Variants in SIM1 observed in about 807,000 individuals in gnomAD.
SIM1 encodes the protein single-minded homolog 1.
Under a neutral mutation model 78.2 loss-of-function variants are expected in SIM1, and 18 were observed. The ratio of observed to expected loss-of-function variants is 0.23; its 90% CI spans 0.16 to 0.34. The LOEUF is 0.34. Ranked by LOEUF, SIM1 falls within the 10% of genes least tolerant of loss-of-function variation. SIM1 has a pLI of 1.00. For synonymous variants in SIM1, 417 were observed against 385.2 expected, an observed-to-expected ratio of 1.08 and a Z score of -0.97; for missense variants, 939 against 975.1, an observed-to-expected ratio of 0.96 and a Z score of 0.49.
chr6:100,442,811 T>G (rs1369839215), intron 9 of SIM1, among the ~76,000 whole-genome samples: 1 of 152,064 alleles, frequency 6.6e-6, no homozygotes, highest in East Asian at 1.9e-4. Flanking sequence ...TTTTAAAAAT[T>G]TGAAAACCCA....
chr6:100,449,732 C>A (rs111361059), intron 4 of SIM1, 33 bp from the exon 5 acceptor site: 2 of 1,558,670 alleles, frequency 1.3e-6, no homozygotes, highest in East Asian at 4.5e-5. Flanking sequence ...GTCGCCGTGG[C>A]GGTGGAATGC....
rs866437337 is a variant in SIM1 at position 100,412,615 on chromosome 6, A to G, written c.1167+8175T>C. 1.1e-3 allele frequency among the ~76,000 whole-genome samples: 110 copies of G among 103,910 alleles called. 5 individuals carry two copies. The highest frequency in any genetic ancestry group is 3.1e-3 in the African/African-American group (90 of 29,410). 68.2% of individuals were successfully genotyped at this position (103,910 alleles called of 152,430 possible). On this transcript the variant is annotated intron_variant, in intron 10 of 11. Transcript: ENST00000369208. ...AGAAAGAAAGAAAGAAAGAAAGGAA[A>G]GAAAGAAGGAAAGAAAGAAAGAAAA...
chr6:100,421,139 G>T (rs574385630), intron 9 of SIM1, among the ~76,000 whole-genome samples, 181 bp from the exon 10 acceptor site: 1 of 152,284 alleles, frequency 6.6e-6, no homozygotes, highest in African/African-American at 2.4e-5. Context: ...CTAGTGTGCT[G>T]ATAATAATGT....
chr6:100,449,359 G>T lies in SIM1; in HGVS notation c.543+4C>A, dbSNP rs1262135971. The T allele has an allele frequency of 1.2e-6, 2 of 1,612,112 alleles. No homozygotes were observed. The highest frequency in any genetic ancestry group is 1.7e-6 in the Non-Finnish European group (2 of 1,178,514). On this transcript the variant is annotated splice_donor_region_variant and intron_variant, in intron 6 of 11. Transcript: ENST00000369208. ...CACCCGGAGCGGATCTTCCAGCTAC[G>T]CACCTTGTAGCCGCCACAGGTGAGG... is the stretch of plus-strand genomic sequence containing the variant.
intron 9 of SIM1, among the ~76,000 whole-genome samples, chr6:100,422,971 A>C (rs1183339300): frequency 6.6e-6 from 1 of 152,204 alleles, no homozygotes; most frequent in African/African-American, 2.4e-5. Context: ...TTACTATCAA[A>C]TAATCCATCC....
At chr6:100,453,645 G>C (rs532955245) in intron 3 of SIM1, 117 bp downstream of exon 3, 5 of 659,906 alleles carry the variant, frequency 7.6e-6, no homozygotes, top group East Asian at 6.4e-5. Flanking sequence ...CTGTTTTTGT[G>C]GGGGGGGTTG....
At chr6:100,404,385 C>T (rs866054104) in intron 10 of SIM1, among the ~76,000 whole-genome samples, 2 of 152,122 alleles carry the variant, frequency 1.3e-5, no homozygotes, top group Non-Finnish European at 2.9e-5. Flanking sequence ...TATAAAGAGA[C>T]CCTCTTCTGG....
chr6:100,447,149 G>T, intron 9 of SIM1, 119 bp downstream of exon 9: 3 of 1,153,060 alleles, frequency 2.6e-6, no homozygotes, highest in South Asian at 1.6e-5. Flanking sequence ...AGCACTCGAG[G>T]GTCAAAATGG....
At chr6:100,452,111 G>C (rs992215158) in intron 3 of SIM1, among the ~76,000 whole-genome samples, 1 of 152,186 alleles carries the variant, frequency 6.6e-6, no homozygotes, top group Non-Finnish European at 1.5e-5. Context: ...GGCAGAGAGA[G>C]AGAAGAATCT....
At position 100,463,231 on chromosome 6, in the gene SIM1, C is replaced by T; in HGVS notation, c.175+63G>A. On this transcript the variant is annotated intron_variant, in intron 2 of 11. Coordinates refer to ENST00000369208, the MANE Select transcript of SIM1 (RefSeq NM_005068.3). ...ATTTCTCTGGTCACTGATGTCGGCT[C>T]ATTGCCTGGCAAATCCCCGGCCCCT... The T allele has an allele frequency of 2.1e-6, 3 of 1,440,862 alleles. No homozygotes were observed. The South Asian group carries it at 3.7e-5, about 18-fold the overall frequency. 89.3% of individuals were successfully genotyped at this position (1,440,862 alleles called of 1,614,324 possible).
Position 100,447,270 on chromosome 6 carries a change from G to A in SIM1, c.996C>T (p.Leu332=), listed in dbSNP as rs1297746270. The change falls in exon 9 of 12, where the codon CTC becomes CTT. Residue 332 remains leucine (L), a splice_region_variant and synonymous_variant. Coordinates refer to ENST00000369208, the MANE Select transcript of SIM1 (RefSeq NM_005068.3). ...AGGGGTCTCAGTCTTGCACTCACGT[G>A]AGGACATAGTTGACGCTGACGATAC... ...PHCIVSVNYV[L]TDTEYKGLQL... 1.2e-6 allele frequency: 2 copies of A among 1,614,056 alleles called. No homozygotes were observed. Among genetic ancestry groups the A allele is most frequent in the Non-Finnish European group, 1.7e-6 (2 of 1,180,036 alleles).
At chr6:100,412,755 A>AAAGAAAG in intron 10 of SIM1, among the ~76,000 whole-genome samples, 1 of 120,276 alleles carries the variant, frequency 8.3e-6, no homozygotes, top group African/African-American at 3.0e-5. Context: ...AAGAAAGAAA[A>AAAGAAAG]AAGAAAAGAA....
At chr6:100,406,655 A>G (rs975191924) in intron 10 of SIM1, among the ~76,000 whole-genome samples, 5 of 152,226 alleles carry the variant, frequency 3.3e-5, no homozygotes, top group Non-Finnish European at 5.9e-5. Context: ...AAACTATATT[A>G]AACAATATAC....
At chr6:100,412,949 A>C (rs1244684156) in intron 10 of SIM1, among the ~76,000 whole-genome samples, 1 of 152,080 alleles carries the variant, frequency 6.6e-6, no homozygotes, top group Non-Finnish European at 1.5e-5. Context: ...GGATAAACCC[A>C]ATCCTGCTGA....
intron 9 of SIM1, among the ~76,000 whole-genome samples, chr6:100,443,376 A>T (rs1274744330): frequency 6.6e-6 from 1 of 152,112 alleles, no homozygotes; most frequent in Admixed American, 6.6e-5. Context: ...AGAAGTTGAG[A>T]TGTTAAATCT....
At chr6:100,459,475 C>T (rs1412924123) in intron 2 of SIM1, among the ~76,000 whole-genome samples, 1 of 152,146 alleles carries the variant, frequency 6.6e-6, no homozygotes, top group Admixed American at 6.5e-5. Context: ...AAACCTAATG[C>T]TCAATCATTT....
chr6:100,449,716 G>T lies in SIM1; in HGVS notation c.349-17C>A. ...CAGCTCTACCTGTAAAGAGGAGGAT[G>T]TCGCCGTCGCCGTGGCGGTGGAATG... On this transcript the variant is annotated splice_polypyrimidine_tract_variant and intron_variant, in intron 4 of 11. Coordinates refer to ENST00000369208, the MANE Select transcript of SIM1 (RefSeq NM_005068.3). 6.2e-7 allele frequency: 1 copy of T among 1,601,110 alleles called. No individual in the cohort carries two copies. The highest frequency in any genetic ancestry group is 8.5e-7 in the Non-Finnish European group (1 of 1,169,934).
At chr6:100,463,115 A>G in intron 2 of SIM1, 179 bp downstream of exon 2, 1 of 545,174 alleles carries the variant, frequency 1.8e-6, no homozygotes, top group East Asian at 2.8e-5. Context: ...GAGCCTCAAA[A>G]AAGCGACAGA....
At chr6:100,443,064 C>CT (rs1237460861) in intron 9 of SIM1, among the ~76,000 whole-genome samples, 3 of 150,476 alleles carry the variant, frequency 2.0e-5, no homozygotes, top group Non-Finnish European at 3.0e-5. Flanking sequence ...ATAGAGCCCC[C>CT]TTTTTTTTTC....
Sources: allele counts gnomAD v4.1 joint callset (sites outside exome capture counted in the v4.1 genomes callset), GRCh38; gene constraint gnomAD v4.1.1; transcripts MANE v1.5; gene names NCBI Gene and HGNC (gene_info 2026-07-23, HGNC 2026-07-21).